LSP1: variants seen among roughly 807,000 people sequenced by gnomAD.
LSP1 encodes lymphocyte specific protein 1, also known as lymphocyte-specific protein 1.
LSP1 carries 32 observed loss-of-function variants against 49.3 expected under a neutral mutation model. The observed-to-expected ratio is 0.65, with a 90% confidence interval of 0.49 to 0.87. The LOEUF is 0.87. LSP1 is among the 40% of genes least tolerant of loss of function. The probability of loss-of-function intolerance (pLI) is 0.00; values close to 1 mark genes in which losing one functional copy is unlikely to be tolerated. For synonymous variants in LSP1, 179 were observed against 178.8 expected, an observed-to-expected ratio of 1.00 and a Z score of -0.01; for missense variants, 428 against 442.6, an observed-to-expected ratio of 0.97 and a Z score of 0.30.
At chr11:1,854,231 C>T (rs978168111) in intron 1 of LSP1, among the ~76,000 whole-genome samples, 8 of 152,162 alleles carry the variant, frequency 5.3e-5, no homozygotes, top group African/African-American at 9.6e-5. Flanking sequence ...GAAGGGAAGG[C>T]GCTGGGGCCC....
At chr11:1,886,654 G>T in intron 7 of LSP1, 78 bp from the exon 8 acceptor site, 1 of 1,454,352 alleles carries the variant, frequency 6.9e-7, no homozygotes, top group South Asian at 1.4e-5. Flanking sequence ...CAAAGCAGAC[G>T]GTTGCCCAGT....
intron 10 of LSP1, chr11:1,890,211 G>T: frequency 1.4e-6 from 1 of 716,904 alleles, no homozygotes; most frequent in East Asian, 2.7e-5. Context: ...CTGCAGGGGT[G>T]ATGCCACGTG....
In LSP1 at chr11:1,884,820, A is replaced by G. The variant is rs1848690721; in HGVS notation, c.717+239A>G. On this transcript the variant is annotated intron_variant, in intron 7 of 10. Transcript: ENST00000311604. The surrounding 1 kb of genome is among the most constrained non-coding windows in gnomAD (Gnocchi z 4.1). ...TCAATGCTACTCCATCCAACCAATA[A>G]TCTCCCATCCTATCAATGCTTCTGC... 6.7e-6 allele frequency among the ~76,000 whole-genome samples: 1 copy of G among 149,560 alleles called. No homozygotes were observed. The highest frequency in any genetic ancestry group is 2.1e-4 in the South Asian group (1 of 4,706).
intron 1 of LSP1, among the ~76,000 whole-genome samples, chr11:1,876,801 A>T (rs1013522898): frequency 6.6e-6 from 1 of 152,094 alleles, no homozygotes; most frequent in Non-Finnish European, 1.5e-5. Context: ...GCCGGCAGGA[A>T]CAGACCTGAG....
chr11:1,890,324 C>T lies in LSP1; in HGVS notation c.*14-1449C>T, dbSNP rs372775929. ...GAAGGCGTGGGGCTTCGGCGGGGTG[C>T]GGGCCCTCAGCAGCGTGCGGGGCTG... is the stretch of plus-strand genomic sequence containing the variant. On this transcript the variant is annotated intron_variant, in intron 10 of 10. Transcript: ENST00000311604. The T allele has an allele frequency of 7.8e-4, 552 of 711,814 alleles. 3 individuals are homozygous for T. The East Asian group carries it at 0.013, about 17-fold the overall frequency. The allele number at this position is 711,814 out of a possible 1,614,324, so 44.1% of individuals were successfully genotyped here. A position where few individuals can be genotyped will look rare whatever the true frequency, so the allele number is the denominator to read the frequency against.
In LSP1 at chr11:1,884,524, A is replaced by G; in HGVS notation, c.660A>G (p.Pro220=). Residue 220 remains proline (P), a synonymous_variant, in exon 7 of 11, where the codon CCA becomes CCG. Coordinates refer to ENST00000311604, the MANE Select transcript of LSP1 (RefSeq NM_002339.3). The surrounding 1 kb of genome is among the most constrained non-coding windows in gnomAD (Gnocchi z 4.1). ...GTAACAGTGTGAAGAAATCCCAGCC[A>G]GACTTGCCCATCTCCAAGATTGATC... ...EKSNSVKKSQ[P]DLPISKIDQW... is the part of the protein sequence containing the mutation. The G allele has an allele frequency of 6.2e-7, 1 of 1,613,932 alleles. No homozygotes were observed. The highest frequency in any genetic ancestry group is 8.5e-7 in the Non-Finnish European group (1 of 1,179,922).
At chr11:1,865,782 C>G (rs916015929) in intron 1 of LSP1, among the ~76,000 whole-genome samples, 1 of 151,818 alleles carries the variant, frequency 6.6e-6, no homozygotes, top group African/African-American at 2.4e-5. Flanking sequence ...GCTTCTGGGG[C>G]CTCCCGTGGG....
At position 1,883,967 on chromosome 11, in the gene LSP1, C is replaced by T. The variant is rs1848652865; in HGVS notation, c.534C>T (p.Pro178=). The stretch of plus-strand genomic sequence containing the variant: ...GTCAGCAGCCCAGGACACCCAGCCC[C>T]TTGGTCTTGGAGGGGACCATCGAAC... The part of the protein sequence containing the change: ...QKCQQPRTPS[P]LVLEGTIEQS... Residue 178 remains proline, a synonymous_variant, in exon 5 of 11, where the codon CCC becomes CCT. Coordinates refer to ENST00000311604, the MANE Select transcript of LSP1 (RefSeq NM_002339.3). 6.2e-7 allele frequency: 1 copy of T among 1,611,814 alleles called. No homozygotes were observed. Among genetic ancestry groups the T allele is most frequent in the Non-Finnish European group, 8.5e-7 (1 of 1,179,386 alleles).
intron 1 of LSP1, among the ~76,000 whole-genome samples, chr11:1,879,382 C>T (rs1326363029): frequency 3.3e-5 from 5 of 152,276 alleles, no homozygotes; most frequent in South Asian, 2.1e-4. Context: ...AGAGAGACTC[C>T]GCAGAGGGCT....
intron 1 of LSP1, among the ~76,000 whole-genome samples, chr11:1,861,904 CGGAT>C (rs58476555): frequency 0.71 from 83,606 of 118,240 alleles, 26,085 homozygotes; most frequent in East Asian, 0.79. Context: ...GATGGGTGAA[CGGAT>C]GGATGGATGG....
chr11:1,870,630 C>T (rs1463682245), intron 1 of LSP1: 2 of 1,094,764 alleles, frequency 1.8e-6, no homozygotes, highest in Non-Finnish European at 2.3e-6. Context: ...CTTGGTCCTT[C>T]TCTCTGGGTG....
intron 1 of LSP1, among the ~76,000 whole-genome samples, chr11:1,867,362 CAT>C (rs1001661059): frequency 6.9e-6 from 1 of 144,568 alleles, no homozygotes; most frequent in Non-Finnish European, 1.5e-5. Context: ...CACACACACA[CAT>C]GCACACACAC....
At position 1,864,383 on chromosome 11, in the gene LSP1, G is replaced by A. The variant is rs149114479; in HGVS notation, c.53+11186G>A. 2.1e-3 allele frequency: 696 copies of A among 324,000 alleles called. 13 individuals are homozygous for A. The highest frequency in any genetic ancestry group is 9.5e-3 in the East Asian group (55 of 5,792). The allele number at this position is 324,000 out of a possible 1,614,324, so 20.1% of individuals were successfully genotyped here. ...GGGCAGAATAGGCCCCTGTGCCTGG[G>A]GCAGGGGCACCACAGAGGGCTAGGG... is the stretch of plus-strand genomic sequence containing the variant. On this transcript the variant is annotated intron_variant, in intron 1 of 10. Coordinates refer to ENST00000311604, the MANE Select transcript of LSP1 (RefSeq NM_002339.3).
Position 1,881,468 on chromosome 11 carries a change from T to C in LSP1, c.228T>C (p.Asp76=). 6.3e-7 allele frequency: 1 copy of C among 1,581,228 alleles called. No individual in the cohort carries two copies. The highest frequency in any genetic ancestry group is 8.6e-7 in the Non-Finnish European group (1 of 1,163,076). ...SLKPSEAPEL[D]EDEGFGDWSQ... Reference sequence around the variant, plus strand: ...AGCCCTCGGAGGCCCCTGAACTGGATGAGGACGAGGGCTTTGGCGACTGGT... The same window carrying C: ...AGCCCTCGGAGGCCCCTGAACTGGACGAGGACGAGGGCTTTGGCGACTGGT... Residue 76 remains aspartate, a synonymous_variant, in exon 3 of 11, where the codon GAT becomes GAC. Transcript: ENST00000311604.
At chr11:1,854,052 C>T (rs114267394) in intron 1 of LSP1, among the ~76,000 whole-genome samples, 2,410 of 152,216 alleles carry the variant, frequency 0.016, 64 homozygotes, top group African/African-American at 0.056. Flanking sequence ...GAGTTGCCCC[C>T]GGTGCAGGTC....
Position 1,884,277 on chromosome 11 carries a change from C to T in LSP1, c.592-3C>T. ...GGCCTGTGTCTCTCTCCACCCTCTG[C>T]AGCTCATCGACAGGACCGAGTCCCT... On this transcript the variant is annotated splice_polypyrimidine_tract_variant and splice_region_variant and intron_variant, in intron 5 of 10. Transcript: ENST00000311604. This position sits in a 1 kb window ranked among gnomAD's most constrained non-coding sequence, Gnocchi z 4.1. 6.2e-7 allele frequency: 1 copy of T among 1,614,128 alleles called. No homozygotes were observed. Among genetic ancestry groups the T allele is most frequent in the South Asian group, 1.1e-5 (1 of 91,086 alleles).
Position 1,884,146 on chromosome 11 carries a change from C to G in LSP1, c.591+122C>G. 7.0e-7 allele frequency: 1 copy of G among 1,423,070 alleles called. No individual in the cohort carries two copies. Among genetic ancestry groups the G allele is most frequent in the Non-Finnish European group, 9.9e-7 (1 of 1,012,422 alleles). The allele number at this position is 1,423,070 out of a possible 1,614,324, so 88.2% of individuals were successfully genotyped here. A position where few individuals can be genotyped will look rare whatever the true frequency, so the allele number is the denominator to read the frequency against. On this transcript the variant is annotated intron_variant, in intron 5 of 10. Transcript: ENST00000311604. This position sits in a 1 kb window ranked among gnomAD's most constrained non-coding sequence, Gnocchi z 4.1. ...GGCCTGGCTTTTGTCTGCTATCCCCCCATTGCCCGGTGCTCAGCGAACCCC... is the reference window on the plus strand; with the variant it reads ...GGCCTGGCTTTTGTCTGCTATCCCCGCATTGCCCGGTGCTCAGCGAACCCC...
At chr11:1,876,749 G>C in intron 1 of LSP1, 5 of 576,664 alleles carry the variant, frequency 8.7e-6, no homozygotes, top group Non-Finnish European at 1.1e-5. Context: ...AGGAGAAGAA[G>C]GGCCAGCGTC....
rs752430070 is a variant in LSP1, at chr11:1,876,650, G to GTT, written c.54-3436_54-3435insTT. The GTT allele has an allele frequency of 1.4e-5, 14 of 985,098 alleles. No homozygotes were observed. In the East Asian group the frequency reaches 4.5e-4, roughly 32 times the overall value. 61.0% of individuals were successfully genotyped at this position (985,098 alleles called of 1,614,324 possible). A position where few individuals can be genotyped will look rare whatever the true frequency, so the allele number is the denominator to read the frequency against. ...GTCTGCAGGGGGAGGACGGAGGTGG[G>GTT]TAGCTGGGAGTGCTGGGCCGAGGAT... On this transcript the variant is annotated intron_variant, in intron 1 of 10. Transcript: ENST00000311604.
Sources: allele counts gnomAD v4.1 joint callset (sites outside exome capture counted in the v4.1 genomes callset), GRCh38; gene constraint gnomAD v4.1.1; non-coding constraint Gnocchi (gnomAD v3.1); transcripts MANE v1.5; gene names NCBI Gene and HGNC (gene_info 2026-07-23, HGNC 2026-07-21).